CATSPER2: variants seen among roughly 807,000 people sequenced by gnomAD.
CATSPER2 encodes the protein cation channel sperm associated 2.
In CATSPER2, 56 loss-of-function variants were observed where a neutral mutation model predicts 68.8. That is an observed-to-expected ratio of 0.81 (90% CI 0.66 to 1.02). CATSPER2 has a LOEUF of 1.02. CATSPER2 is among the 50% of genes least tolerant of loss of function. The pLI is 0.00. For synonymous variants in CATSPER2, 198 were observed against 229.9 expected, an observed-to-expected ratio of 0.86 and a Z score of 1.26; for missense variants, 582 against 642.0, an observed-to-expected ratio of 0.91 and a Z score of 1.01.
In CATSPER2 at chr15:43,639,637, A is replaced by G. The variant is rs1349522068; in HGVS notation, c.717+6T>C. ...CCCCTGCTTTAGCTTGCAACAGTCA[A>G]ATCACCTTGAGGGCCCTGACCAGGA... is the stretch of plus-strand genomic sequence containing the variant. On this transcript the variant is annotated splice_donor_region_variant and intron_variant, in intron 6 of 12. Coordinates refer to ENST00000396879, the MANE Select transcript of CATSPER2 (RefSeq NM_172095.4). The G allele has an allele frequency of 6.2e-7, 1 of 1,612,568 alleles. No individual in the cohort carries two copies. The highest frequency in any genetic ancestry group is 1.3e-5 in the African/African-American group (1 of 74,566).
At chr15:43,634,752 G>C (rs1344188165) in intron 10 of CATSPER2, 1 of 154,564 alleles carries the variant, frequency 6.5e-6, no homozygotes, top group Non-Finnish European at 1.4e-5. Flanking sequence ...AACACTTGGG[G>C]TCTAGAATCA....
rs533115631 is a variant in CATSPER2 at position 43,639,777 on chromosome 15, C to A, written c.583G>T (p.Val195Leu). Residue 195 changes from valine to leucine, a missense_variant, in exon 6 of 13, where the codon GTA becomes TTA. By Grantham distance (32) the Val-to-Leu change is conservative. Transcript: ENST00000396879. ...GATTGGCCTGTTACCCCTACCAATA[C>A]CACAACCTCGGGAAGCAGGGACTGT... is the stretch of plus-strand genomic sequence containing the variant. The part of the protein sequence containing the change: ...TMLSLLPEVV[V>L]LVGVTGQSVW... The A allele has an allele frequency of 2.4e-4, 382 of 1,611,808 alleles. 4 individuals are homozygous for A. Among genetic ancestry groups the A allele is most frequent in the Non-Finnish European group, 1.8e-5 (21 of 1,178,460 alleles).
chr15:43,638,095 C>T (rs2085996798), intron 7 of CATSPER2, among the ~76,000 whole-genome samples: 1 of 151,116 alleles, frequency 6.6e-6, no homozygotes, highest in Non-Finnish European at 1.5e-5. Context: ...GCTGGGATTA[C>T]AGGCGCCCAC....
rs954645676 is a variant in CATSPER2 at position 43,631,848 on chromosome 15, G to C, written c.1561+351C>G. On this transcript the variant is annotated intron_variant, in intron 12 of 12. Transcript: ENST00000396879. ...AATGCAATCTTCAGAGAGAATAAAC[G>C]TGCAGAAACTGGTGGGCTGCCCAAA... Among the ~76,000 whole-genome samples the C allele has an allele frequency of 7.2e-5, 11 of 151,912 alleles. 1 individual carries two copies. Among genetic ancestry groups the C allele is most frequent in the African/African-American group, 2.2e-4 (9 of 41,354 alleles).
Position 43,640,439 on chromosome 15 carries a change from G to A in CATSPER2, c.446C>T (p.Ala149Val), listed in dbSNP as rs2086052278. The change falls in exon 5 of 13, where the codon GCA becomes GTA. Residue 149 changes from alanine (A) to valine (V), a missense_variant. Coordinates refer to ENST00000396879, the MANE Select transcript of CATSPER2 (RefSeq NM_172095.4). Reference protein sequence around the residue: ...LWPLKLTLEVAAWFILLIFIL... With the variant: ...LWPLKLTLEVVAWFILLIFIL... The stretch of plus-strand genomic sequence containing the variant: ...GAAAATAAGCAAGATAAACCAAGCT[G>A]CCACCTCCAAGGTCAGCTTCAATGG... The A allele has an allele frequency of 6.2e-7, 1 of 1,613,198 alleles. No individual in the cohort carries two copies. The highest frequency in any genetic ancestry group is 8.5e-7 in the Non-Finnish European group (1 of 1,179,438).
chr15:43,639,799 CT>C lies in CATSPER2; in HGVS notation c.562-2del, dbSNP rs1387760769. 6.2e-7 allele frequency: 1 copy of C among 1,611,416 alleles called. No individual in the cohort carries two copies. The highest frequency in any genetic ancestry group is 2.2e-5 in the East Asian group (1 of 44,848). ...ATACCACAACCTCGGGAAGCAGGGA[CT>C]GTGGAAAACACACAGGTTATAAGTA... On this transcript the variant is annotated splice_acceptor_variant, in intron 5 of 12. Coordinates refer to ENST00000396879, the MANE Select transcript of CATSPER2 (RefSeq NM_172095.4). LOFTEE classifies it high-confidence loss of function.
At chr15:43,643,875 G>T (rs568135917) in intron 4 of CATSPER2, among the ~76,000 whole-genome samples, 2 of 151,916 alleles carry the variant, frequency 1.3e-5, no homozygotes, top group South Asian at 4.2e-4. Flanking sequence ...TTGAGACAGG[G>T]TCTTGCTCTG....
Position 43,647,946 on chromosome 15 carries a change from A to C in CATSPER2, c.116T>G (p.Val39Gly). 6.2e-7 allele frequency: 1 copy of C among 1,613,790 alleles called. No individual in the cohort carries two copies. Among genetic ancestry groups the C allele is most frequent in the Non-Finnish European group, 8.5e-7 (1 of 1,179,818 alleles). The change falls in exon 2 of 13, where the codon GTG becomes GGG. Residue 39 changes from valine to glycine, a missense_variant. Physicochemically the swap from Val to Gly is moderately radical, Grantham distance 109 (BLOSUM62 -3). This residue lies in a region of CATSPER2 where 197 missense variants were observed against 191.0 expected (regional missense o/e 1.03). Coordinates refer to ENST00000396879, the MANE Select transcript of CATSPER2 (RefSeq NM_172095.4). Reference sequence around the variant, plus strand: ...TAACTCCCTGATAGTGTGCCGCGGCACAGCTTGGCTCAAGCCTTGCAAATG... The same window carrying C: ...TAACTCCCTGATAGTGTGCCGCGGCCCAGCTTGGCTCAAGCCTTGCAAATG... ...IEHLQGLSQA[V>G]PRHTIRELLD...
chr15:43,630,694 C>T lies in CATSPER2; in HGVS notation c.*7G>A. The T allele has an allele frequency of 6.2e-7, 1 of 1,611,440 alleles. No homozygotes were observed. The highest frequency in any genetic ancestry group is 1.1e-5 in the South Asian group (1 of 90,956). ...TGGGCCCAAGGATATTGAAGCCATC[C>T]ATTGCTTTACTTGTCTTCCAAGTTC... On this transcript the variant is annotated 3_prime_UTR_variant, in exon 13 of 13. Transcript: ENST00000396879.
At chr15:43,637,277 C>T (rs570597493) in intron 7 of CATSPER2, among the ~76,000 whole-genome samples, 1 of 151,426 alleles carries the variant, frequency 6.6e-6, no homozygotes, top group African/African-American at 2.4e-5. Context: ...GAAATGATAC[C>T]CAAGCAAATG....
chr15:43,647,637 C>T (rs2086195189), intron 2 of CATSPER2, among the ~76,000 whole-genome samples, 170 bp from the exon 3 acceptor site: 3 of 152,074 alleles, frequency 2.0e-5, no homozygotes, highest in South Asian at 2.1e-4. Context: ...AAATGTATTG[C>T]TTATGACCAA....
chr15:43,630,443 C>T lies in CATSPER2; in HGVS notation c.*258G>A. ...AATCTTGGCTCACTGCAACCTCTGA[C>T]TCCCAGGTTCAAGTGATTCTCCTGC... On this transcript the variant is annotated 3_prime_UTR_variant, in exon 13 of 13. Coordinates refer to ENST00000396879, the MANE Select transcript of CATSPER2 (RefSeq NM_172095.4). The T allele has an allele frequency of 3.3e-6, 2 of 605,750 alleles. No individual in the cohort carries two copies. Among genetic ancestry groups the T allele is most frequent in the South Asian group, 3.9e-5 (2 of 50,736 alleles). The allele number at this position is 605,750 out of a possible 1,614,324, so 37.5% of individuals were successfully genotyped here. A position where few individuals can be genotyped will look rare whatever the true frequency, so the allele number is the denominator to read the frequency against.
chr15:43,644,708 T>C (rs1239428045), intron 4 of CATSPER2, among the ~76,000 whole-genome samples: 1 of 151,982 alleles, frequency 6.6e-6, no homozygotes, highest in Non-Finnish European at 1.5e-5. Context: ...CCTGATGATC[T>C]GAGGTGGAAC....
At chr15:43,646,133 T>G (rs771351399) in intron 4 of CATSPER2, among the ~76,000 whole-genome samples, 5 of 151,838 alleles carry the variant, frequency 3.3e-5, no homozygotes, top group Admixed American at 6.6e-5. Context: ...AAAGGTTAAT[T>G]CAAACAAATG....
Position 43,635,373 on chromosome 15 carries a change from T to A in CATSPER2, c.1165A>T (p.Lys389Ter). The A allele has an allele frequency of 1.2e-6, 2 of 1,610,464 alleles. No individual in the cohort carries two copies. The highest frequency in any genetic ancestry group is 1.7e-6 in the Non-Finnish European group (2 of 1,178,940). ...CATACTCCTAACCTGTCCTCTATTTTGCTATGGCTTGACGTCAGTGCTTCA... is the reference window on the plus strand; with the variant it reads ...CATACTCCTAACCTGTCCTCTATTTAGCTATGGCTTGACGTCAGTGCTTCA... ...SHEALTSSHS[K>*]IEDSSRGASQ... Residue 389 changes from lysine (K) to a stop codon, truncating the protein, a stop_gained, in exon 10 of 13, where the codon AAA becomes TAA. Coordinates refer to ENST00000396879, the MANE Select transcript of CATSPER2 (RefSeq NM_172095.4). LOFTEE classifies it high-confidence loss of function.
chr15:43,642,279 T>C (rs2086089724), intron 4 of CATSPER2: 1 of 151,946 alleles, frequency 6.6e-6, no homozygotes, highest in Non-Finnish European at 1.5e-5. Flanking sequence ...TTTGTATTTT[T>C]GGTAGAGACA....
intron 7 of CATSPER2, 152 bp from the exon 8 acceptor site, chr15:43,636,371 T>C: frequency 1.8e-6 from 2 of 1,111,538 alleles, no homozygotes; most frequent in African/African-American, 3.2e-5. Context: ...TAGCTAATCA[T>C]TCTATAGTTT....
At chr15:43,645,356 C>T (rs757482239) in intron 4 of CATSPER2, among the ~76,000 whole-genome samples, 1 of 151,740 alleles carries the variant, frequency 6.6e-6, no homozygotes, top group Non-Finnish European at 1.5e-5. Flanking sequence ...ATGCCTGGGC[C>T]CCAGAGATAA....
At chr15:43,635,931 C>T in intron 8 of CATSPER2, 105 bp from the exon 9 acceptor site, 2 of 1,246,438 alleles carry the variant, frequency 1.6e-6, no homozygotes, top group Non-Finnish European at 2.3e-6. Context: ...AGAACCCAAG[C>T]CTTCCTGCTA....
Sources: gnomAD v4.1 joint callset for allele counts (sites outside exome capture counted in the v4.1 genomes callset) on GRCh38, gnomAD v4.1.1 for gene constraint, gnomAD v4.1.1 regional missense constraint, MANE v1.5 for transcripts, NCBI Gene and HGNC (gene_info 2026-07-23, HGNC 2026-07-21) for gene names.